Variants in GALNTL6 observed in about 807,000 individuals in gnomAD.
The protein encoded by GALNTL6 is polypeptide N-acetylgalactosaminyltransferase-like 6.
Under a neutral mutation model 73.7 loss-of-function variants are expected in GALNTL6, and 46 were observed. That is an observed-to-expected ratio of 0.62 (90% CI 0.49 to 0.80). The LOEUF (loss-of-function observed/expected upper bound fraction) is 0.80. GALNTL6 is among the 30% of genes least tolerant of loss of function. GALNTL6 has a pLI of 0.00. For missense variants in GALNTL6, 604 were observed against 755.0 expected (o/e 0.80, Z 2.34); for synonymous variants, 259 against 263.7 (o/e 0.98, Z 0.17).
chr4:172,602,492 A>G (rs1738096532), intron 5 of GALNTL6, among the ~76,000 whole-genome samples: 1 of 61,236 alleles, frequency 1.6e-5, no homozygotes, highest in African/African-American at 3.8e-5. Flanking sequence ...TATTTAAATT[A>G]GGTTTAAATT....
chr4:173,004,719 A>T (rs1041419524), intron 10 of GALNTL6, among the ~76,000 whole-genome samples: 3 of 152,236 alleles, frequency 2.0e-5, no homozygotes, highest in Non-Finnish European at 4.4e-5. Flanking sequence ...AAAAATTCAC[A>T]GCCAGAAATA....
intron 3 of GALNTL6, among the ~76,000 whole-genome samples, chr4:172,293,774 T>C (rs1018365514): frequency 4.0e-5 from 6 of 151,426 alleles, no homozygotes; most frequent in African/African-American, 1.5e-4. Flanking sequence ...TAAATTAAAC[T>C]GAAATAGATT....
intron 2 of GALNTL6, among the ~76,000 whole-genome samples, chr4:172,123,171 C>A (rs926437774): frequency 6.6e-6 from 1 of 152,114 alleles, no homozygotes; most frequent in Non-Finnish European, 1.5e-5. Flanking sequence ...ACCCTTGAAG[C>A]TGGGCATTCT....
At chr4:172,246,830 A>AT (rs34237902) in intron 3 of GALNTL6, among the ~76,000 whole-genome samples, 75 of 149,174 alleles carry the variant, frequency 5.0e-4, no homozygotes, top group African/African-American at 1.7e-3. Context: ...ATATATATAT[A>AT]AATATAAAAT....
chr4:172,768,516 G>A (rs910991798), intron 5 of GALNTL6, among the ~76,000 whole-genome samples: 4 of 152,168 alleles, frequency 2.6e-5, no homozygotes, highest in Non-Finnish European at 5.9e-5. Flanking sequence ...CAAGAAAGAG[G>A]AGTGTGGGTA....
intron 5 of GALNTL6, among the ~76,000 whole-genome samples, chr4:172,410,827 ATGT>A (rs1175508586): frequency 6.6e-6 from 1 of 151,836 alleles, no homozygotes. Context: ...TTGCTTTATG[ATGT>A]TGTGACACAA....
At chr4:172,417,063 G>T (rs1210799313) in intron 5 of GALNTL6, among the ~76,000 whole-genome samples, 3 of 151,896 alleles carry the variant, frequency 2.0e-5, no homozygotes, top group Admixed American at 2.0e-4. Flanking sequence ...ATATAAATCC[G>T]ACTTTTCTCA....
intron 7 of GALNTL6, among the ~76,000 whole-genome samples, chr4:172,856,897 T>A (rs915030775): frequency 6.6e-6 from 1 of 152,210 alleles, no homozygotes; most frequent in African/African-American, 2.4e-5. Context: ...TTACCCTCCA[T>A]AATAGTGTAA....
In GALNTL6 at chr4:172,043,511, T is replaced by C. The variant is rs544418193; in HGVS notation, c.139-186145T>C. On this transcript the variant is annotated intron_variant, in intron 2 of 12. Transcript: ENST00000506823. ...TTATTTACTCACATGTATACACACATGTGCGTGTGCATATATGAATACATA... is the reference window on the plus strand; with the variant it reads ...TTATTTACTCACATGTATACACACACGTGCGTGTGCATATATGAATACATA... 3.3e-5 allele frequency among the ~76,000 whole-genome samples: 5 copies of C among 152,222 alleles called. No homozygotes were observed. The East Asian group carries it at 5.8e-4, about 18-fold the overall frequency.
intron 2 of GALNTL6, among the ~76,000 whole-genome samples, chr4:171,997,077 AT>A (rs763708452): frequency 1.1e-4 from 16 of 152,082 alleles, no homozygotes; most frequent in Non-Finnish European, 2.1e-4. Context: ...AATACTCTTG[AT>A]TATCTCTTCA....
At chr4:172,482,396 A>C (rs1733523241) in intron 5 of GALNTL6, among the ~76,000 whole-genome samples, 1 of 152,236 alleles carries the variant, frequency 6.6e-6, no homozygotes, top group Admixed American at 6.5e-5. Context: ...GCTGAGAGCG[A>C]GAGAGGGCCA....
At chr4:172,301,931 T>TTTG (rs1739945508) in intron 3 of GALNTL6, among the ~76,000 whole-genome samples, 1 of 152,214 alleles carries the variant, frequency 6.6e-6, no homozygotes, top group Non-Finnish European at 1.5e-5. Context: ...CAGAGGTTTG[T>TTTG]GCTGCCTTTT....
At chr4:171,880,068 C>T (rs1435086794) in intron 2 of GALNTL6, among the ~76,000 whole-genome samples, 2 of 152,138 alleles carry the variant, frequency 1.3e-5, no homozygotes, top group Non-Finnish European at 2.9e-5. Context: ...CAAAACCACC[C>T]TCAAATTGTG....
chr4:171,863,820 C>T (rs1375517816), intron 2 of GALNTL6, among the ~76,000 whole-genome samples: 4 of 151,772 alleles, frequency 2.6e-5, no homozygotes, highest in African/African-American at 4.8e-5. Flanking sequence ...TGAAATGGCA[C>T]AATGGCAGCT....
chr4:172,996,438 A>T (rs1399412179), intron 10 of GALNTL6, among the ~76,000 whole-genome samples: 2 of 152,128 alleles, frequency 1.3e-5, no homozygotes, highest in Non-Finnish European at 2.9e-5. Flanking sequence ...ACTATTAAAT[A>T]CTAGGCTTGG....
At chr4:172,040,633 G>T (rs1427717969) in intron 2 of GALNTL6, among the ~76,000 whole-genome samples, 1 of 151,956 alleles carries the variant, frequency 6.6e-6, no homozygotes, top group East Asian at 1.9e-4. Flanking sequence ...ACATCATTTT[G>T]ATTAATTCTT....
intron 2 of GALNTL6, among the ~76,000 whole-genome samples, chr4:171,833,991 T>G (rs1158045031): frequency 1.3e-5 from 2 of 151,732 alleles, no homozygotes; most frequent in African/African-American, 2.4e-5. Context: ...TTTCATGTTT[T>G]TGCCACAAAA....
chr4:172,645,232 A>G (rs1415587713), intron 5 of GALNTL6, among the ~76,000 whole-genome samples: 1 of 151,940 alleles, frequency 6.6e-6, no homozygotes, highest in Non-Finnish European at 1.5e-5. Flanking sequence ...TTATTTCTTT[A>G]TTAATTCTCT....
intron 2 of GALNTL6, among the ~76,000 whole-genome samples, chr4:171,952,392 T>TA (rs1292638552): frequency 1.3e-5 from 2 of 151,906 alleles, no homozygotes; most frequent in African/African-American, 4.8e-5. Context: ...CAAATGGTTT[T>TA]AAAAAATAGA....
Sources: gnomAD v4.1 joint callset for allele counts (sites outside exome capture counted in the v4.1 genomes callset) on GRCh38, gnomAD v4.1.1 for gene constraint, MANE v1.5 for transcripts, NCBI Gene and HGNC (gene_info 2026-07-23, HGNC 2026-07-21) for gene names.